DIS3: variants seen among roughly 807,000 people sequenced by gnomAD.
DIS3 encodes DIS3 exosome endoribonuclease and 3'-5' exoribonuclease.
In DIS3, 103 loss-of-function variants were observed where a neutral mutation model predicts 113.0. The observed-to-expected ratio is 0.91, with a 90% confidence interval of 0.78 to 1.07. DIS3 has a LOEUF of 1.07. DIS3 is among the 50% of genes least tolerant of loss of function. The pLI, the probability that DIS3 is intolerant of heterozygous loss-of-function variation, is 0.00. For synonymous variants in DIS3, 402 were observed against 394.3 expected (o/e 1.02, Z -0.23); for missense variants, 1,121 against 1,167.1 (o/e 0.96, Z 0.58).
intron 9 of DIS3, 97 bp from the exon 10 acceptor site, chr13:72,772,372 C>A: frequency 1.1e-6 from 1 of 939,340 alleles, no homozygotes; most frequent in Non-Finnish European, 1.6e-6. Context: ...TATACAAAAA[C>A]AATTTAGCTG....
chr13:72,768,974 G>A (rs2033821769), intron 13 of DIS3, 62 bp from the exon 14 acceptor site: 3 of 1,119,170 alleles, frequency 2.7e-6, no homozygotes, highest in East Asian at 2.5e-5. Context: ...TTTTCAATAT[G>A]TCCTCCTACT....
chr13:72,755,014 A>G lies in DIS3; in HGVS notation c.*4781T>C, dbSNP rs2033410648. On this transcript the variant is annotated 3_prime_UTR_variant, in exon 21 of 21. Coordinates refer to ENST00000377767, the MANE Select transcript of DIS3 (RefSeq NM_014953.5). ...TTTTTGATGCAGAATATTGATTTATAAAATACTGTATCTTTACTGTCCCTT... is the reference window on the plus strand; with the variant it reads ...TTTTTGATGCAGAATATTGATTTATGAAATACTGTATCTTTACTGTCCCTT... The G allele has an allele frequency of 1.5e-6, 1 of 645,846 alleles. No individual in the cohort carries two copies. Among genetic ancestry groups the G allele is most frequent in the South Asian group, 2.0e-5 (1 of 48,790 alleles). The allele number at this position is 645,846 out of a possible 1,614,324, so 40.0% of individuals were successfully genotyped here.
At chr13:72,781,098 T>C (rs2034191216) in intron 1 of DIS3, 95 bp from the exon 2 acceptor site, 1 of 1,408,514 alleles carries the variant, frequency 7.1e-7, no homozygotes, top group Admixed American at 2.3e-5. Context: ...AAATACTTTA[T>C]GTTTTAAAAA....
rs1466727910 is a variant in DIS3, at chr13:72,753,819, A to C, written c.*5976T>G. The C allele has an allele frequency of 2.5e-6, 4 of 1,611,664 alleles. 1 individual carries two copies. In the Admixed American group the frequency reaches 6.7e-5, roughly 27 times the overall value. On this transcript the variant is annotated 3_prime_UTR_variant, in exon 21 of 21. Transcript: ENST00000377767. The stretch of plus-strand genomic sequence containing the variant: ...GAGTAAATCTCAAGCATTTAATATG[A>C]AGGTACGGAGAAAATATAGTGAAAG...
Position 72,755,279 on chromosome 13 carries a change from G to A in DIS3, c.*4516C>T, listed in dbSNP as rs1240224509. The A allele has an allele frequency of 7.3e-7, 1 of 1,366,794 alleles. No homozygotes were observed. The highest frequency in any genetic ancestry group is 1.7e-5 in the Admixed American group (1 of 58,566). 84.7% of individuals were successfully genotyped at this position (1,366,794 alleles called of 1,614,324 possible). On this transcript the variant is annotated 3_prime_UTR_variant, in exon 21 of 21. Transcript: ENST00000377767. ...TCCTCGCATATATCGTTGTGCACAG[G>A]ATCAACATGATGGTGACTGGGAAAA...
Position 72,754,045 on chromosome 13 carries a change from G to T in DIS3, c.*5750C>A. On this transcript the variant is annotated 3_prime_UTR_variant, in exon 21 of 21. Coordinates refer to ENST00000377767, the MANE Select transcript of DIS3 (RefSeq NM_014953.5). ...TGCAAAGGTAGCGTGTATTTGATGA[G>T]GGCATTTACTGAACCTTCCAGGTGG... 1 of 421,876 alleles carries T rather than the reference G, an allele frequency of 2.4e-6. No homozygotes were observed. Among genetic ancestry groups the T allele is most frequent in the Non-Finnish European group, 4.2e-6 (1 of 239,596 alleles). 26.1% of individuals were successfully genotyped at this position (421,876 alleles called of 1,614,324 possible).
At position 72,753,233 on chromosome 13, in the gene DIS3, C is replaced by T. The variant is rs2033327512; in HGVS notation, c.*6562G>A. 1 of 152,466 alleles carries T rather than the reference C, an allele frequency of 6.6e-6. No individual in the cohort carries two copies. Among genetic ancestry groups the T allele is most frequent in the Non-Finnish European group, 1.5e-5 (1 of 68,320 alleles). 9.4% of individuals were successfully genotyped at this position (152,466 alleles called of 1,614,324 possible). On this transcript the variant is annotated 3_prime_UTR_variant, in exon 21 of 21. Coordinates refer to ENST00000377767, the MANE Select transcript of DIS3 (RefSeq NM_014953.5). Reference sequence around the variant, plus strand: ...ATTTTTATTAACATGAAAAGCTGAACTAACATCTAGAGCCATTATATATGT... The same window carrying T: ...ATTTTTATTAACATGAAAAGCTGAATTAACATCTAGAGCCATTATATATGT...
At chr13:72,768,560 T>C (rs2033808221) in intron 14 of DIS3, among the ~76,000 whole-genome samples, 1 of 152,092 alleles carries the variant, frequency 6.6e-6, no homozygotes, top group South Asian at 2.1e-4. Flanking sequence ...AGGAGAATTG[T>C]TCGAATTCGG....
Position 72,774,191 on chromosome 13 carries a change from G to A in DIS3, c.988-132C>T, listed in dbSNP as rs2033954522. The A allele has an allele frequency of 1.1e-5, 6 of 556,398 alleles. No individual in the cohort carries two copies. The South Asian group carries it at 1.7e-4, about 16-fold the overall frequency. 34.5% of individuals were successfully genotyped at this position (556,398 alleles called of 1,614,324 possible). On this transcript the variant is annotated intron_variant, in intron 6 of 20. Coordinates refer to ENST00000377767, the MANE Select transcript of DIS3 (RefSeq NM_014953.5). ...AAATTATGACATAAGACTACAGAAT[G>A]TTGATGTTTCAACATTCTAGACAAG...
At position 72,758,256 on chromosome 13, in the gene DIS3, T is replaced by C. The variant is rs941137051; in HGVS notation, c.*1539A>G. The C allele has an allele frequency of 5.5e-6, 1 of 182,026 alleles. No homozygotes were observed. The highest frequency in any genetic ancestry group is 2.4e-5 in the African/African-American group (1 of 42,496). 11.3% of individuals were successfully genotyped at this position (182,026 alleles called of 1,614,324 possible). A position where few individuals can be genotyped will look rare whatever the true frequency, so the allele number is the denominator to read the frequency against. ...GAGCAATAGGCTATCCCATATAGGATACCATAGGGTATACCATCTAGGTTT... is the reference window on the plus strand; with the variant it reads ...GAGCAATAGGCTATCCCATATAGGACACCATAGGGTATACCATCTAGGTTT... On this transcript the variant is annotated 3_prime_UTR_variant, in exon 21 of 21. Coordinates refer to ENST00000377767, the MANE Select transcript of DIS3 (RefSeq NM_014953.5).
rs768888193 is a variant in DIS3 at position 72,759,881 on chromosome 13, A to G, written c.2794-3T>C. 2 of 1,607,386 alleles carry G rather than the reference A, an allele frequency of 1.2e-6. No individual in the cohort carries two copies. The highest frequency in any genetic ancestry group is 1.7e-6 in the Non-Finnish European group (2 of 1,174,730). On this transcript the variant is annotated splice_polypyrimidine_tract_variant and splice_region_variant and intron_variant, in intron 20 of 20. Coordinates refer to ENST00000377767, the MANE Select transcript of DIS3 (RefSeq NM_014953.5). ...GTAGGAATGCTTATTCCTGGTATCT[A>G]AAGTAATGCAAATGGGGGGAAATAA...
chr13:72,778,883 G>C (rs1000314667), intron 2 of DIS3, among the ~76,000 whole-genome samples: 4 of 152,126 alleles, frequency 2.6e-5, no homozygotes, highest in African/African-American at 9.7e-5. Context: ...GCTATGTAGA[G>C]ACTGAAAAGT....
intron 11 of DIS3, 82 bp downstream of exon 11, chr13:72,771,713 G>C (rs2033889586): frequency 1.5e-6 from 2 of 1,337,742 alleles, no homozygotes; most frequent in Non-Finnish European, 2.1e-6. Context: ...ATTATTCCAT[G>C]TATTTTTCTT....
rs769224756 is a variant in DIS3, at chr13:72,766,046, T to C, written c.1896A>G (p.Leu632=). ...KRRIEKGALT[L]SSPEVRFHMD... is the part of the protein sequence containing the mutation. ...TGTGGAATCGAACTTCAGGAGAGGA[T>C]AGAGTCAAAGCCCTACATAAAAATT... The change falls in exon 15 of 21, where the codon CTA becomes CTG. Residue 632 remains leucine (L), a synonymous_variant. Coordinates refer to ENST00000377767, the MANE Select transcript of DIS3 (RefSeq NM_014953.5). 9.3e-6 allele frequency: 15 copies of C among 1,610,074 alleles called. No homozygotes were observed. The highest frequency in any genetic ancestry group is 4.5e-5 in the East Asian group (2 of 44,812).
Position 72,755,367 on chromosome 13 carries a change from C to A in DIS3, c.*4428G>T. On this transcript the variant is annotated 3_prime_UTR_variant, in exon 21 of 21. Coordinates refer to ENST00000377767, the MANE Select transcript of DIS3 (RefSeq NM_014953.5). ...ATGTGAAAAATCAAGGGCTTACTGA[C>A]ATAGGAACAACAGAAATGCTCCTGG... 1.7e-6 allele frequency: 1 copy of A among 577,200 alleles called. No individual in the cohort carries two copies. Among genetic ancestry groups the A allele is most frequent in the Non-Finnish European group, 3.0e-6 (1 of 333,708 alleles). 35.8% of individuals were successfully genotyped at this position (577,200 alleles called of 1,614,324 possible). A position where few individuals can be genotyped will look rare whatever the true frequency, so the allele number is the denominator to read the frequency against.
intron 16 of DIS3, among the ~76,000 whole-genome samples, 198 bp from the exon 17 acceptor site, chr13:72,762,335 A>G (rs2033647228): frequency 1.3e-5 from 2 of 152,210 alleles, no homozygotes; most frequent in South Asian, 4.1e-4. Flanking sequence ...GGATTCATCA[A>G]ATTTAGCTGC....
At chr13:72,780,576 CCAATT>C (rs931421134) in intron 2 of DIS3, among the ~76,000 whole-genome samples, 1 of 152,088 alleles carries the variant, frequency 6.6e-6, no homozygotes, top group Non-Finnish European at 1.5e-5. Context: ...CATGCTAAAA[CCAATT>C]CAAAATGAAA....
In DIS3 at chr13:72,768,805, C is replaced by G. The variant is rs777103807; in HGVS notation, c.1863G>C (p.Lys621Asn). The G allele has an allele frequency of 6.9e-6, 11 of 1,600,562 alleles. No homozygotes were observed. The highest frequency in any genetic ancestry group is 9.4e-6 in the Non-Finnish European group (11 of 1,173,374). ...RGLNKLAKIL[K>N]KRRIEKGALT... ...TATACCCTTTTTCAATCCTTCTTTTCTTCAGAATTTTGGCTAGTTTATTCA... is the reference window on the plus strand; with the variant it reads ...TATACCCTTTTTCAATCCTTCTTTTGTTCAGAATTTTGGCTAGTTTATTCA... Residue 621 changes from lysine to asparagine, a missense_variant, in exon 14 of 21, where the codon AAG becomes AAC. This residue lies in a region of DIS3 where 861 missense variants were observed against 915.5 expected (regional missense o/e 0.94). Transcript: ENST00000377767.
At chr13:72,769,661 C>T (rs1490295728) in intron 13 of DIS3, among the ~76,000 whole-genome samples, 6 of 152,120 alleles carry the variant, frequency 3.9e-5, no homozygotes, top group African/African-American at 4.8e-5. Flanking sequence ...TATATATTCA[C>T]TAGGTTTGTT....
Sources: gnomAD v4.1 joint callset for allele counts (sites outside exome capture counted in the v4.1 genomes callset) on GRCh38, gnomAD v4.1.1 for gene constraint, gnomAD v4.1.1 regional missense constraint, MANE v1.5 for transcripts, NCBI Gene and HGNC (gene_info 2026-07-23, HGNC 2026-07-21) for gene names.